The following ASAP1 variants were observed in gnomAD, a reference collection of about 807,000 sequenced individuals.
ASAP1 encodes the protein arf-GAP with SH3 domain, ANK repeat and PH domain-containing protein 1.
In ASAP1, 43 loss-of-function variants were observed where a neutral mutation model predicts 145.2. The observed-to-expected ratio is 0.30, with a 90% CI of 0.23 to 0.38. ASAP1 has a LOEUF of 0.38. Ranked by LOEUF, ASAP1 falls within the 10% of genes least tolerant of loss-of-function variation. ASAP1 has a pLI of 1.00. For missense variants in ASAP1, 1,018 were observed against 1,355.3 expected (o/e 0.75, Z 3.91); for synonymous variants, 546 against 515.5 (o/e 1.06, Z -0.80).
chr8:130,367,621 T>C (rs1827019122), intron 2 of ASAP1, among the ~76,000 whole-genome samples: 1 of 152,216 alleles, frequency 6.6e-6, no homozygotes, highest in South Asian at 2.1e-4. Flanking sequence ...AATCAGCACC[T>C]TGGGGCACAG....
intron 3 of ASAP1, among the ~76,000 whole-genome samples, chr8:130,283,480 T>G (rs1821380221): frequency 6.7e-6 from 1 of 149,894 alleles, no homozygotes; most frequent in South Asian, 2.1e-4. Context: ...CTCAGGAGGC[T>G]GAGGCAGGAG....
intron 3 of ASAP1, among the ~76,000 whole-genome samples, chr8:130,357,662 G>A (rs1457146938): frequency 6.6e-6 from 1 of 152,178 alleles, no homozygotes; most frequent in Non-Finnish European, 1.5e-5. Flanking sequence ...CTGGGCCCTC[G>A]GTGGCCTGAC....
chr8:130,140,218 T>A (rs797008725), intron 13 of ASAP1, among the ~76,000 whole-genome samples: 5 of 151,790 alleles, frequency 3.3e-5, no homozygotes, highest in African/African-American at 1.2e-4. Context: ...TTTTTTGGTA[T>A]TTTTAGTGGA....
At chr8:130,308,278 A>G (rs1483493935) in intron 3 of ASAP1, among the ~76,000 whole-genome samples, 3 of 152,246 alleles carry the variant, frequency 2.0e-5, no homozygotes, top group Non-Finnish European at 2.9e-5. Context: ...TCTCAACTCC[A>G]AACTCGAAAA....
At chr8:130,443,176 T>A (rs1356336995) in intron 1 of ASAP1, among the ~76,000 whole-genome samples, 1 of 151,498 alleles carries the variant, frequency 6.6e-6, no homozygotes, top group Non-Finnish European at 1.5e-5. Flanking sequence ...CCGGCCCCAC[T>A]GCAGGGGCCC....
At chr8:130,316,362 C>T (rs566191410) in intron 3 of ASAP1, among the ~76,000 whole-genome samples, 3 of 152,338 alleles carry the variant, frequency 2.0e-5, no homozygotes, top group African/African-American at 7.2e-5. Context: ...AGCTTTATCT[C>T]TTTTCTACTC....
intron 1 of ASAP1, among the ~76,000 whole-genome samples, chr8:130,419,665 T>C (rs1829635280): frequency 2.0e-5 from 3 of 151,970 alleles, no homozygotes; most frequent in Non-Finnish European, 4.4e-5. Context: ...CCTCCTCTGC[T>C]ACAGGGTGGT....
chr8:130,267,352 T>A (rs1820326045), intron 3 of ASAP1, among the ~76,000 whole-genome samples: 1 of 152,172 alleles, frequency 6.6e-6, no homozygotes, highest in Non-Finnish European at 1.5e-5. Flanking sequence ...ATAAATGGTA[T>A]GTTGTGATAT....
intron 3 of ASAP1, among the ~76,000 whole-genome samples, chr8:130,331,948 G>A (rs760540234): frequency 3.3e-4 from 50 of 152,120 alleles, no homozygotes; most frequent in Non-Finnish European, 6.5e-4. Flanking sequence ...CTCGGCCCAA[G>A]GTCTAGGTTT....
intron 3 of ASAP1, among the ~76,000 whole-genome samples, chr8:130,286,907 G>A (rs1156895120): frequency 2.0e-5 from 3 of 152,186 alleles, no homozygotes; most frequent in Admixed American, 6.5e-5. Context: ...GGTAAGATAT[G>A]CTAATGGTAT....
chr8:130,077,537 CTTTTTTTTTTTTTTTT>C (rs58327713), intron 26 of ASAP1, among the ~76,000 whole-genome samples: 9 of 62,030 alleles, frequency 1.5e-4, no homozygotes, highest in South Asian at 9.1e-4. Context: ...GCTGCTGCTG[CTTTTTTTTTTTTTTTT>C]TTTTTTTTTT....
intron 29 of ASAP1, among the ~76,000 whole-genome samples, chr8:130,056,035 C>T (rs2097403310): frequency 6.6e-6 from 1 of 152,226 alleles, no homozygotes; most frequent in African/African-American, 2.4e-5. Flanking sequence ...GACAGCTTCC[C>T]ATTCCCCGCA....
At chr8:130,134,376 C>T in intron 14 of ASAP1, 32 bp from the exon 15 acceptor site, 1 of 1,428,762 alleles carries the variant, frequency 7.0e-7, no homozygotes. Flanking sequence ...ATAAGTGAAA[C>T]CTTAGAAAGC....
intron 24 of ASAP1, among the ~76,000 whole-genome samples, chr8:130,107,204 A>T (rs2097538395): frequency 1.2e-5 from 1 of 80,378 alleles, no homozygotes; most frequent in South Asian, 5.3e-4. Flanking sequence ...TTTTTTTGAG[A>T]CGGAGTCTCA....
intron 2 of ASAP1, among the ~76,000 whole-genome samples, chr8:130,369,083 C>T (rs1827094697): frequency 6.6e-6 from 1 of 152,264 alleles, no homozygotes; most frequent in Admixed American, 6.5e-5. Context: ...GATTGTTATA[C>T]AGAATCAATT....
intron 5 of ASAP1, among the ~76,000 whole-genome samples, chr8:130,197,319 C>T (rs1476116882): frequency 6.6e-6 from 1 of 152,214 alleles, no homozygotes; most frequent in Admixed American, 6.5e-5. Context: ...ACCTCAGCTG[C>T]TCAGAAGGCT....
intron 3 of ASAP1, among the ~76,000 whole-genome samples, chr8:130,302,137 G>A (rs1822714052): frequency 6.6e-6 from 1 of 152,226 alleles, no homozygotes; most frequent in South Asian, 2.1e-4. Context: ...TGCATGCAAA[G>A]ACTCATACAT....
chr8:130,313,707 C>T (rs554811453), intron 3 of ASAP1, among the ~76,000 whole-genome samples: 45 of 152,250 alleles, frequency 3.0e-4, no homozygotes, highest in African/African-American at 1.1e-3. Flanking sequence ...CCATCAGCCC[C>T]AGGATATTCA....
intron 3 of ASAP1, among the ~76,000 whole-genome samples, chr8:130,238,087 T>C (rs1818318106): frequency 1.3e-5 from 2 of 152,082 alleles, no homozygotes; most frequent in Non-Finnish European, 2.9e-5. Flanking sequence ...AAGGGATAAA[T>C]GCAATGGTAG....
Sources: allele counts gnomAD v4.1 joint callset (sites outside exome capture counted in the v4.1 genomes callset), GRCh38; gene constraint gnomAD v4.1.1; transcripts MANE v1.5; gene names NCBI Gene and HGNC (gene_info 2026-07-23, HGNC 2026-07-21).